The following THSD7A variants were observed in gnomAD, a reference collection of about 807,000 sequenced individuals.
THSD7A encodes thrombospondin type-1 domain-containing protein 7A.
A neutral mutation model predicts 231.3 loss-of-function variants in THSD7A; 96 were observed. The ratio of observed to expected loss-of-function variants is 0.41; its 90% CI spans 0.35 to 0.49. The LOEUF (loss-of-function observed/expected upper bound fraction) is 0.49, where lower values mean the gene tolerates loss of function less well. THSD7A is among the 20% of genes least tolerant of loss of function. The pLI is 0.05. For synonymous variants in THSD7A, 940 were observed against 743.3 expected, an observed-to-expected ratio of 1.26 and a Z score of -4.30; for missense variants, 2,290 against 2,070.2, an observed-to-expected ratio of 1.11 and a Z score of -2.06.
At chr7:11,486,823 C>A (rs192015854) in intron 6 of THSD7A, among the ~76,000 whole-genome samples, 100 of 152,250 alleles carry the variant, frequency 6.6e-4, no homozygotes, top group Middle Eastern at 6.8e-3. Flanking sequence ...TATAAACAAA[C>A]CTGCCAAAAT....
At chr7:11,521,063 T>C (rs922946540) in intron 6 of THSD7A, among the ~76,000 whole-genome samples, 1 of 152,182 alleles carries the variant, frequency 6.6e-6, no homozygotes, top group Non-Finnish European at 1.5e-5. Context: ...GTGCTTTTAT[T>C]GAAGAATTTT....
chr7:11,707,960 C>A (rs1780825480), intron 1 of THSD7A, among the ~76,000 whole-genome samples: 2 of 150,672 alleles, frequency 1.3e-5, no homozygotes, highest in African/African-American at 4.8e-5. Context: ...TTAAACCTTA[C>A]AAAATATGCC....
chr7:11,820,465 C>T, intron 1 of THSD7A: 2 of 1,207,392 alleles, frequency 1.7e-6, no homozygotes, highest in Non-Finnish European at 2.3e-6. Flanking sequence ...CCGGCCCTGA[C>T]CCGGAGGTCA....
At chr7:11,745,333 C>T (rs1583250160) in intron 1 of THSD7A, among the ~76,000 whole-genome samples, 1 of 152,002 alleles carries the variant, frequency 6.6e-6, no homozygotes, top group East Asian at 1.9e-4. Context: ...ATTGTGGATT[C>T]TGGATATTAG....
chr7:11,441,016 A>G (rs1254901193), intron 13 of THSD7A, among the ~76,000 whole-genome samples: 1 of 152,070 alleles, frequency 6.6e-6, no homozygotes, highest in African/African-American at 2.4e-5. Flanking sequence ...AAATTGCCAC[A>G]GTCACCCCAA....
chr7:11,418,786 G>A (rs1016932852), intron 16 of THSD7A, among the ~76,000 whole-genome samples: 1 of 151,626 alleles, frequency 6.6e-6, no homozygotes, highest in Non-Finnish European at 1.5e-5. Context: ...TGAGCCTGTA[G>A]CCTGAAAAAA....
At chr7:11,826,729 T>C (rs759069726) in intron 1 of THSD7A, among the ~76,000 whole-genome samples, 1 of 151,304 alleles carries the variant, frequency 6.6e-6, no homozygotes, top group Non-Finnish European at 1.5e-5. Flanking sequence ...GGAGAATCGC[T>C]TGAATCCAGG....
chr7:11,494,198 A>T lies in THSD7A; in HGVS notation c.1823-12216T>A, dbSNP rs186882331. Among the ~76,000 whole-genome samples, 22 of 152,186 alleles carry T rather than the reference A, an allele frequency of 1.4e-4. No homozygotes were observed. In the East Asian group the frequency reaches 3.9e-3, roughly 27 times the overall value. Reference sequence around the variant, plus strand: ...GGTCTGCATGGATAAAGACATATTGAGTTTTAAAAACAAAACCAACTGGTC... The same window carrying T: ...GGTCTGCATGGATAAAGACATATTGTGTTTTAAAAACAAAACCAACTGGTC... On this transcript the variant is annotated intron_variant, in intron 6 of 27. Transcript: ENST00000423059.
intron 4 of THSD7A, among the ~76,000 whole-genome samples, chr7:11,588,871 T>C (rs1780034002): frequency 6.6e-6 from 1 of 152,206 alleles, no homozygotes; most frequent in Non-Finnish European, 1.5e-5. Context: ...GTTACTTCCT[T>C]ATAACCTCAA....
chr7:11,610,961 C>T (rs1330430929), intron 2 of THSD7A, among the ~76,000 whole-genome samples: 1 of 152,026 alleles, frequency 6.6e-6, no homozygotes, highest in Non-Finnish European at 1.5e-5. Flanking sequence ...GAAGAGGATG[C>T]CGAAGGGATA....
chr7:11,763,383 T>C (rs1018481628), intron 1 of THSD7A, among the ~76,000 whole-genome samples: 2 of 152,222 alleles, frequency 1.3e-5, no homozygotes, highest in African/African-American at 4.8e-5. Context: ...TGAACTAAGT[T>C]AGATGCTCTC....
chr7:11,629,955 A>G (rs1781596942), intron 2 of THSD7A, among the ~76,000 whole-genome samples: 1 of 152,182 alleles, frequency 6.6e-6, no homozygotes, highest in South Asian at 2.1e-4. Flanking sequence ...TGGTTTACAG[A>G]TGAGAAAGCT....
At chr7:11,713,433 A>G (rs1781029582) in intron 1 of THSD7A, among the ~76,000 whole-genome samples, 2 of 151,266 alleles carry the variant, frequency 1.3e-5, no homozygotes, top group Admixed American at 6.6e-5. Flanking sequence ...TCTGTCATAA[A>G]TAAGACTCCC....
intron 1 of THSD7A, among the ~76,000 whole-genome samples, chr7:11,740,727 G>A (rs980761742): frequency 6.6e-6 from 1 of 151,724 alleles, no homozygotes; most frequent in Non-Finnish European, 1.5e-5. Flanking sequence ...TCCATTACCT[G>A]TCTTTAGATT....
intron 1 of THSD7A, among the ~76,000 whole-genome samples, chr7:11,786,759 T>TAAAA (rs58923353): frequency 6.4e-4 from 69 of 108,484 alleles, no homozygotes; most frequent in African/African-American, 1.0e-3. Context: ...AGTATAATAA[T>TAAAA]AAAAAAAAAA....
intron 4 of THSD7A, among the ~76,000 whole-genome samples, chr7:11,571,550 A>G (rs574930826): frequency 6.6e-6 from 1 of 152,348 alleles, no homozygotes; most frequent in African/African-American, 2.4e-5. Context: ...AAAGAAGTTA[A>G]GTAACCTGTC....
At chr7:11,611,639 AT>A (rs1382744395) in intron 2 of THSD7A, among the ~76,000 whole-genome samples, 2 of 151,864 alleles carry the variant, frequency 1.3e-5, no homozygotes, top group Non-Finnish European at 2.9e-5. Flanking sequence ...ATGCATTCAT[AT>A]TTTAAATTTA....
At chr7:11,618,796 GAAA>G (rs887296938) in intron 2 of THSD7A, among the ~76,000 whole-genome samples, 1 of 108,766 alleles carries the variant, frequency 9.2e-6, no homozygotes, top group Non-Finnish European at 2.0e-5. Flanking sequence ...GACTCAAAAA[GAAA>G]AAAAAAAAAG....
intron 1 of THSD7A, among the ~76,000 whole-genome samples, chr7:11,761,474 T>C (rs1386930242): frequency 1.3e-5 from 2 of 152,156 alleles, no homozygotes; most frequent in Non-Finnish European, 2.9e-5. Context: ...CATCATTTCA[T>C]TATATGTATG....
Sources: gnomAD v4.1 joint callset for allele counts (sites outside exome capture counted in the v4.1 genomes callset) on GRCh38, gnomAD v4.1.1 for gene constraint, MANE v1.5 for transcripts, NCBI Gene and HGNC (gene_info 2026-07-23, HGNC 2026-07-21) for gene names.